Variants in LRP1B observed in about 807,000 individuals in gnomAD.
LRP1B encodes the protein low-density lipoprotein receptor-related protein 1B.
LRP1B carries 217 observed loss-of-function variants against 556.6 expected under a neutral mutation model. That is an observed-to-expected ratio of 0.39 (90% CI 0.35 to 0.44). The LOEUF (loss-of-function observed/expected upper bound fraction) is 0.44, where lower values mean the gene tolerates loss of function less well. Among genes scored for constraint, LRP1B ranks in the 20% least tolerant of loss-of-function variants. The probability of loss-of-function intolerance (pLI) is 1.00; values close to 1 mark genes in which losing one functional copy is unlikely to be tolerated. For missense variants in LRP1B, 5,053 were observed against 5,620.8 expected (o/e 0.90, Z 3.23); for synonymous variants, 2,047 against 1,865.8 (o/e 1.10, Z -2.50).
intron 1 of LRP1B, among the ~76,000 whole-genome samples, chr2:142,036,536 C>G (rs764248402): frequency 6.6e-6 from 1 of 151,514 alleles, no homozygotes; most frequent in Non-Finnish European, 1.5e-5. Context: ...ATGAAAAATA[C>G]TTGTATATTC....
chr2:141,426,709 CT>C (rs1680376814), intron 3 of LRP1B, among the ~76,000 whole-genome samples: 1 of 152,020 alleles, frequency 6.6e-6, no homozygotes, highest in African/African-American at 2.4e-5. Context: ...TCATATAATG[CT>C]TTTTTATTTG....
intron 18 of LRP1B, among the ~76,000 whole-genome samples, chr2:140,968,704 T>C (rs1432692713): frequency 1.3e-5 from 2 of 152,188 alleles, no homozygotes; most frequent in Non-Finnish European, 2.9e-5. Flanking sequence ...GCTTTGAATG[T>C]ATCCCAGAGA....
In LRP1B at chr2:141,192,336, C is replaced by G. The variant is rs57656201; in HGVS notation, c.851-3753G>C. Among the ~76,000 whole-genome samples the G allele has an allele frequency of 7.8e-3, 1,181 of 151,792 alleles. 25 individuals are homozygous for G. The highest frequency in any genetic ancestry group is 0.025 in the African/African-American group (1,035 of 41,442). On this transcript the variant is annotated intron_variant, in intron 6 of 90. Coordinates refer to ENST00000389484, the MANE Select transcript of LRP1B (RefSeq NM_018557.3). ...CCTGGAAACTAGAATTTTTAAAAGTCTAAATTATATACCTGTCTTCAGAAA... is the reference window on the plus strand; with the variant it reads ...CCTGGAAACTAGAATTTTTAAAAGTGTAAATTATATACCTGTCTTCAGAAA...
intron 2 of LRP1B, among the ~76,000 whole-genome samples, chr2:141,631,731 C>T (rs1688917258): frequency 6.6e-6 from 1 of 152,120 alleles, no homozygotes; most frequent in African/African-American, 2.4e-5. Flanking sequence ...TAAAGCCCAA[C>T]TTCTTTGCTC....
chr2:141,124,228 T>C (rs140579178), intron 7 of LRP1B, among the ~76,000 whole-genome samples: 2 of 152,174 alleles, frequency 1.3e-5, no homozygotes, highest in East Asian at 3.9e-4. Context: ...ATTTAGGAAA[T>C]TGTTTGCATA....
intron 43 of LRP1B, among the ~76,000 whole-genome samples, chr2:140,577,211 G>A (rs1681560373): frequency 6.6e-6 from 1 of 152,078 alleles, no homozygotes; most frequent in African/African-American, 2.4e-5. Flanking sequence ...TTGGCCAGGT[G>A]TGGTTGCTCA....
At chr2:140,859,829 C>G (rs537050063) in intron 27 of LRP1B, among the ~76,000 whole-genome samples, 11 of 151,898 alleles carry the variant, frequency 7.2e-5, no homozygotes, top group African/African-American at 2.7e-4. Context: ...CCCATCTCTA[C>G]TAAAAATACA....
At chr2:140,821,089 TTTTG>T (rs1691314183) in intron 31 of LRP1B, among the ~76,000 whole-genome samples, 1 of 152,136 alleles carries the variant, frequency 6.6e-6, no homozygotes, top group African/African-American at 2.4e-5. Flanking sequence ...AGTGTTTTTG[TTTTG>T]TTTAACTCTA....
intron 1 of LRP1B, among the ~76,000 whole-genome samples, chr2:142,080,728 TG>T (rs1705680592): frequency 6.6e-6 from 1 of 152,154 alleles, no homozygotes; most frequent in Non-Finnish European, 1.5e-5. Flanking sequence ...TCTATATTTT[TG>T]GTGGGAGATT....
In LRP1B at chr2:140,661,499, ATAAT is replaced by A. The variant is rs1272949061; in HGVS notation, c.6799+38747_6799+38750del. 1.5e-4 allele frequency among the ~76,000 whole-genome samples: 22 copies of A among 143,510 alleles called. 1 individual carries two copies. The Admixed American group carries it at 1.5e-3, about 10-fold the overall frequency. 94.1% of individuals were successfully genotyped at this position (143,510 alleles called of 152,430 possible). ...AAATGATGAGACCCCATCTCTACAA[ATAAT>A]TAAAAAAAAAAAAAAAAACGCAGTG... On this transcript the variant is annotated intron_variant, in intron 41 of 90. Transcript: ENST00000389484.
At chr2:141,220,565 T>C (rs981895916) in intron 6 of LRP1B, among the ~76,000 whole-genome samples, 1 of 148,122 alleles carries the variant, frequency 6.8e-6, no homozygotes, top group African/African-American at 2.5e-5. Context: ...AGAACCCCAG[T>C]AAGAGACTCC....
chr2:140,717,356 CT>C (rs1687249156), intron 35 of LRP1B, among the ~76,000 whole-genome samples: 1 of 151,960 alleles, frequency 6.6e-6, no homozygotes, highest in South Asian at 2.1e-4. Context: ...TTAAAAATGC[CT>C]TATAATCCGA....
intron 2 of LRP1B, among the ~76,000 whole-genome samples, chr2:141,734,500 C>T (rs1196653076): frequency 6.6e-6 from 1 of 151,766 alleles, no homozygotes; most frequent in Non-Finnish European, 1.5e-5. Context: ...GAGAGCAAAA[C>T]AAAAAGATGT....
At chr2:141,926,146 C>T (rs1026076092) in intron 1 of LRP1B, among the ~76,000 whole-genome samples, 1 of 152,102 alleles carries the variant, frequency 6.6e-6, no homozygotes, top group African/African-American at 2.4e-5. Flanking sequence ...TTTCAACATG[C>T]ATACAGAAAA....
At chr2:141,426,079 T>C (rs1269579681) in intron 3 of LRP1B, among the ~76,000 whole-genome samples, 16 of 152,104 alleles carry the variant, frequency 1.1e-4, no homozygotes, top group Non-Finnish European at 4.4e-5. Context: ...CTTTAATCCA[T>C]CTTGAATTAA....
At chr2:141,735,135 C>T (rs1693415404) in intron 2 of LRP1B, among the ~76,000 whole-genome samples, 2 of 109,692 alleles carry the variant, frequency 1.8e-5, no homozygotes, top group South Asian at 6.3e-4. Flanking sequence ...GGTTTTGTTT[C>T]ATTTTGTTTT....
intron 40 of LRP1B, among the ~76,000 whole-genome samples, chr2:140,701,385 C>CT (rs1263627078): frequency 6.6e-6 from 1 of 151,888 alleles, no homozygotes; most frequent in Non-Finnish European, 1.5e-5. Context: ...TTTCAACTGC[C>CT]TTTTATTAAT....
chr2:141,131,725 T>C (rs1701363058), intron 7 of LRP1B, among the ~76,000 whole-genome samples: 2 of 151,888 alleles, frequency 1.3e-5, no homozygotes, highest in African/African-American at 4.8e-5. Context: ...CAGAGGGAAA[T>C]GCAAATTAAA....
intron 2 of LRP1B, among the ~76,000 whole-genome samples, chr2:141,517,026 A>AAAC (rs1553526081): frequency 1.5e-5 from 2 of 131,204 alleles, no homozygotes; most frequent in African/African-American, 5.7e-5. Context: ...AAAAAAAAAA[A>AAAC]AAAAAAGTAA....
Sources: allele counts gnomAD v4.1 joint callset (sites outside exome capture counted in the v4.1 genomes callset), GRCh38; gene constraint gnomAD v4.1.1; transcripts MANE v1.5; gene names NCBI Gene and HGNC (gene_info 2026-07-23, HGNC 2026-07-21).